The following ZNF516 variants were observed in gnomAD, a reference collection of about 807,000 sequenced individuals.
ZNF516 encodes zinc finger protein 516.
Under a neutral mutation model 79.7 loss-of-function variants are expected in ZNF516, and 19 were observed. The ratio of observed to expected loss-of-function variants is 0.24; its 90% CI spans 0.17 to 0.35. The LOEUF is 0.35. Ranked by LOEUF, ZNF516 falls within the 10% of genes least tolerant of loss-of-function variation. ZNF516 has a pLI of 1.00. For synonymous variants in ZNF516, 877 were observed against 739.5 expected, an observed-to-expected ratio of 1.19 and a Z score of -3.02; for missense variants, 1,678 against 1,679.5, an observed-to-expected ratio of 1.00 and a Z score of 0.02.
Position 76,442,331 on chromosome 18 carries a change from C to T in ZNF516, c.724G>A (p.Glu242Lys), listed in dbSNP as rs1911724699. Residue 242 changes from glutamate (E) to lysine (K), a missense_variant, in exon 3 of 7, where the codon GAG (glutamate) becomes AAG (lysine). Around this residue, in one of 5 missense-constraint regions of ZNF516, gnomAD observed 279 missense variants for 254.1 expected, o/e 1.10. Coordinates refer to ENST00000443185, the MANE Select transcript of ZNF516 (RefSeq NM_014643.4). ...GEACVENGKP[E>K]LSPGEFPCEV... ...CACGGGAACTCCCCGGGGCTCAGCT[C>T]GGGCTTGCCGTTCTCCACGCAGGCC... is the stretch of plus-strand genomic sequence containing the variant. The T allele has an allele frequency of 1.2e-6, 2 of 1,610,852 alleles. No homozygotes were observed. The highest frequency in any genetic ancestry group is 1.7e-6 in the Non-Finnish European group (2 of 1,179,184).
At chr18:76,404,852 T>C (rs930794596) in intron 3 of ZNF516, among the ~76,000 whole-genome samples, 3 of 152,190 alleles carry the variant, frequency 2.0e-5, no homozygotes, top group South Asian at 2.1e-4. Context: ...ACTGTGTGCA[T>C]GTGTGAGCAT....
intron 1 of ZNF516, among the ~76,000 whole-genome samples, chr18:76,489,561 T>C (rs2145827425): frequency 6.9e-6 from 1 of 144,894 alleles, no homozygotes; most frequent in Non-Finnish European, 1.5e-5. Context: ...CTTCAGTCAA[T>C]TTTGGTCTCT....
At chr18:76,392,023 C>G (rs71281314) in intron 3 of ZNF516, among the ~76,000 whole-genome samples, 3,321 of 152,284 alleles carry the variant, frequency 0.022, 47 homozygotes, top group African/African-American at 0.032. Context: ...ACAACGCCGC[C>G]CCTGGCTTCC....
chr18:76,416,879 G>A (rs957149647), intron 3 of ZNF516, among the ~76,000 whole-genome samples: 1 of 152,000 alleles, frequency 6.6e-6, no homozygotes, highest in Non-Finnish European at 1.5e-5. Flanking sequence ...AATTAAAGGG[G>A]GGAGGGACTT....
intron 4 of ZNF516, chr18:76,372,621 T>C (rs1411787851): frequency 1.3e-5 from 2 of 152,238 alleles, no homozygotes; most frequent in Non-Finnish European, 2.9e-5. Context: ...ATTGTTTCTC[T>C]TACCCTAATT....
At chr18:76,490,913 TC>T in intron 1 of ZNF516, 6 of 985,466 alleles carry the variant, frequency 6.1e-6, no homozygotes, top group Non-Finnish European at 7.2e-6. Flanking sequence ...CACAGAGCCA[TC>T]CCCGGCCTCT....
intron 3 of ZNF516, 110 bp from the exon 4 acceptor site, chr18:76,380,413 A>T (rs933653014): frequency 7.2e-7 from 1 of 1,388,864 alleles, no homozygotes. Context: ...CTTCAGCGGG[A>T]GAAGCCACCC....
chr18:76,385,078 C>G (rs2074965192), intron 3 of ZNF516, among the ~76,000 whole-genome samples: 1 of 152,232 alleles, frequency 6.6e-6, no homozygotes, highest in Non-Finnish European at 1.5e-5. Context: ...CGGGTCCGAG[C>G]AGCCCTAGAG....
chr18:76,429,981 C>T (rs151265296), intron 3 of ZNF516, among the ~76,000 whole-genome samples: 5 of 152,296 alleles, frequency 3.3e-5, no homozygotes, highest in Admixed American at 6.5e-5. Flanking sequence ...GCTGGTGTGA[C>T]GCACAACCTG....
chr18:76,475,780 T>C (rs1050161526), intron 1 of ZNF516, among the ~76,000 whole-genome samples: 3 of 152,130 alleles, frequency 2.0e-5, no homozygotes, highest in Non-Finnish European at 4.4e-5. Flanking sequence ...TTAAAGCAAA[T>C]ACACTGAAAT....
intron 3 of ZNF516, among the ~76,000 whole-genome samples, chr18:76,436,084 G>A (rs2075729922): frequency 6.6e-6 from 1 of 152,226 alleles, no homozygotes; most frequent in Non-Finnish European, 1.5e-5. Context: ...AGATGAGCCT[G>A]GGGCTGTGGC....
At chr18:76,470,701 G>C (rs1913776670) in intron 1 of ZNF516, among the ~76,000 whole-genome samples, 1 of 152,170 alleles carries the variant, frequency 6.6e-6, no homozygotes, top group Admixed American at 6.5e-5. Context: ...CATACTGTAA[G>C]GCTTGCCCTG....
At chr18:76,492,325 G>A (rs1441133250) in intron 1 of ZNF516, 1 of 985,324 alleles carries the variant, frequency 1.0e-6, no homozygotes, top group Non-Finnish European at 1.2e-6. Context: ...TGAGAAAGTC[G>A]GTGCCACAGT....
chr18:76,486,751 C>T (rs1914856806), intron 1 of ZNF516, among the ~76,000 whole-genome samples: 1 of 151,828 alleles, frequency 6.6e-6, no homozygotes, highest in African/African-American at 2.4e-5. Flanking sequence ...AAGATTTCAT[C>T]CCATTTTCAC....
chr18:76,374,422 AG>A (rs2074754203), intron 4 of ZNF516, among the ~76,000 whole-genome samples: 1 of 152,230 alleles, frequency 6.6e-6, no homozygotes, highest in Non-Finnish European at 1.5e-5. Flanking sequence ...TTAAATGGTC[AG>A]GGAGTCCCTA....
chr18:76,459,441 GC>G lies in ZNF516; in HGVS notation c.-158+3586del, dbSNP rs1297459073. ...AGAAAACTCTGGCCCTCCACTGCCG[GC>G]CAGGGAGGCCTCGCGTGCCAAGCTG... On this transcript the variant is annotated intron_variant, in intron 2 of 6. Coordinates refer to ENST00000443185, the MANE Select transcript of ZNF516 (RefSeq NM_014643.4). This position sits in a 1 kb window ranked among gnomAD's most constrained non-coding sequence, Gnocchi z 5.0. 2.6e-5 allele frequency among the ~76,000 whole-genome samples: 4 copies of G among 152,216 alleles called. No homozygotes were observed. Among genetic ancestry groups the G allele is most frequent in the Non-Finnish European group, 5.9e-5 (4 of 68,038 alleles).
chr18:76,427,058 T>C (rs2075603808), intron 3 of ZNF516, among the ~76,000 whole-genome samples: 1 of 152,100 alleles, frequency 6.6e-6, no homozygotes, highest in Admixed American at 6.5e-5. Context: ...AGGATCAGGG[T>C]GGAGACAAGA....
chr18:76,383,012 G>A (rs1325995071), intron 3 of ZNF516, among the ~76,000 whole-genome samples: 1 of 146,222 alleles, frequency 6.8e-6, no homozygotes, highest in African/African-American at 2.6e-5. Context: ...CTCCAGCCTG[G>A]GCAACAGAGC....
chr18:76,457,026 T>C (rs573410121), intron 2 of ZNF516, among the ~76,000 whole-genome samples: 26 of 152,346 alleles, frequency 1.7e-4, no homozygotes, highest in Admixed American at 7.8e-4. Context: ...AGGCTTCAGA[T>C]TTGTCATCAG....
Sources: allele counts gnomAD v4.1 joint callset (sites outside exome capture counted in the v4.1 genomes callset), GRCh38; gene constraint gnomAD v4.1.1; regional missense constraint gnomAD v4.1.1; non-coding constraint Gnocchi (gnomAD v3.1); transcripts MANE v1.5; gene names NCBI Gene and HGNC (gene_info 2026-07-23, HGNC 2026-07-21).